The following HAS2 variants were observed in gnomAD, a reference collection of about 807,000 sequenced individuals.
HAS2 encodes the protein HA synthase 2.
In HAS2, 16 loss-of-function variants were observed where a neutral mutation model predicts 51.6. That is an observed-to-expected ratio of 0.31 (90% CI 0.21 to 0.47). The LOEUF (loss-of-function observed/expected upper bound fraction) is 0.47, where lower values mean the gene tolerates loss of function less well. HAS2 is among the 20% of genes least tolerant of loss of function. The pLI is 1.00. For synonymous variants in HAS2, 228 were observed against 235.5 expected (o/e 0.97, Z 0.29); for missense variants, 361 against 662.6 (o/e 0.54, Z 5.00).
intron 1 of HAS2, among the ~76,000 whole-genome samples, chr8:121,635,992 T>C (rs1813003115): frequency 6.6e-6 from 1 of 152,196 alleles, no homozygotes; most frequent in Non-Finnish European, 1.5e-5. Flanking sequence ...CTGAGTGGAT[T>C]AGGAAGGTAT....
At position 121,614,637 on chromosome 8, in the gene HAS2, G is replaced by A. The variant is rs569055058; in HGVS notation, c.1131C>T (p.Thr377=). The A allele has an allele frequency of 1.1e-5, 18 of 1,614,086 alleles. No homozygotes were observed. In the South Asian group the frequency reaches 2.0e-4, roughly 18 times the overall value. ...MWFHKHHLWM[T]YEAIITGFFP... ...AGAATCCAGTGATAATCGCTTCGTAGGTCATCCACAAGTGATGTTTGTGAA... is the reference window on the plus strand; with the variant it reads ...AGAATCCAGTGATAATCGCTTCGTAAGTCATCCACAAGTGATGTTTGTGAA... The change falls in exon 4 of 4, where the codon ACC becomes ACT. Residue 377 remains threonine (T), a synonymous_variant. Transcript: ENST00000303924. The surrounding 1 kb of genome is among the most constrained non-coding windows in gnomAD (Gnocchi z 7.2).
Position 121,615,039 on chromosome 8 carries a change from C to A in HAS2, c.730-1G>T. The A allele has an allele frequency of 6.3e-7, 1 of 1,589,742 alleles. No individual in the cohort carries two copies. ...TCCAGGAATCGTACTTGTTTAAAAT[C>A]TGCAAGAAGAAAAACATAAGTAATA... On this transcript the variant is annotated splice_acceptor_variant, in intron 3 of 3. Coordinates refer to ENST00000303924, the MANE Select transcript of HAS2 (RefSeq NM_005328.3). LOFTEE classifies it high-confidence loss of function.
intron 1 of HAS2, among the ~76,000 whole-genome samples, chr8:121,635,633 C>T (rs1393731943): frequency 6.6e-6 from 1 of 152,218 alleles, no homozygotes; most frequent in African/African-American, 2.4e-5. Flanking sequence ...TATCTTTGAA[C>T]TTAAGTTGTA....
intron 2 of HAS2, among the ~76,000 whole-genome samples, chr8:121,627,828 G>A (rs1009857875): frequency 2.0e-5 from 3 of 152,080 alleles, no homozygotes; most frequent in Non-Finnish European, 4.4e-5. Context: ...CTAGAGGAGA[G>A]GAAGAACATC....
At chr8:121,634,120 G>A (rs1812974253) in intron 1 of HAS2, among the ~76,000 whole-genome samples, 1 of 151,960 alleles carries the variant, frequency 6.6e-6, no homozygotes, top group Non-Finnish European at 1.5e-5. Context: ...ATGTTGGTCA[G>A]GCTGGTCTGG....
intron 1 of HAS2, among the ~76,000 whole-genome samples, chr8:121,634,139 A>T (rs186708584): frequency 1.3e-5 from 2 of 151,740 alleles, no homozygotes; most frequent in East Asian, 3.9e-4. Context: ...GGAACTCCTG[A>T]CCTCAGGTGA....
intron 2 of HAS2, among the ~76,000 whole-genome samples, chr8:121,621,152 G>A (rs1812768347): frequency 6.6e-6 from 1 of 152,104 alleles, no homozygotes; most frequent in East Asian, 1.9e-4. Flanking sequence ...CTGGTTACAC[G>A]GGGAAGGTTC....
chr8:121,629,329 C>T lies in HAS2; in HGVS notation c.12G>A (p.Glu4=). 6 of 1,608,110 alleles carry T rather than the reference C, an allele frequency of 3.7e-6. No homozygotes were observed. Among genetic ancestry groups the T allele is most frequent in the Non-Finnish European group, 5.1e-6 (6 of 1,176,204 alleles). The change falls in exon 2 of 4, where the codon GAG becomes GAA. Residue 4 remains glutamate, a synonymous_variant. Coordinates refer to ENST00000303924, the MANE Select transcript of HAS2 (RefSeq NM_005328.3). MHC[E]RFLCILRIIG... ...TTATTCTCAGGATACATAGAAACCTCTCACAATGCATCTGTAATATAATCA... is the reference window on the plus strand; with the variant it reads ...TTATTCTCAGGATACATAGAAACCTTTCACAATGCATCTGTAATATAATCA...
chr8:121,620,840 C>T (rs73708102), intron 2 of HAS2, among the ~76,000 whole-genome samples: 5,222 of 151,972 alleles, frequency 0.034, 332 homozygotes, highest in African/African-American at 0.12. Context: ...AATGGTTACA[C>T]ATTATTCAAT....
At chr8:121,630,900 G>A (rs760003997) in intron 1 of HAS2, among the ~76,000 whole-genome samples, 63 of 152,104 alleles carry the variant, frequency 4.1e-4, no homozygotes, top group Admixed American at 1.5e-3. Context: ...ACATTGAGAA[G>A]GTCCTAAGGG....
intron 1 of HAS2, among the ~76,000 whole-genome samples, chr8:121,635,148 C>T (rs1056530907): frequency 6.6e-6 from 1 of 152,128 alleles, no homozygotes; most frequent in Non-Finnish European, 1.5e-5. Flanking sequence ...CAAATCCCAG[C>T]TCTGCCATCT....
chr8:121,632,660 C>T (rs1812949218), intron 1 of HAS2, among the ~76,000 whole-genome samples: 1 of 151,938 alleles, frequency 6.6e-6, no homozygotes, highest in South Asian at 2.1e-4. Context: ...CTAACGTGTC[C>T]CAAGGACATA....
At chr8:121,638,629 C>T (rs542443156) in intron 1 of HAS2, among the ~76,000 whole-genome samples, 1 of 152,234 alleles carries the variant, frequency 6.6e-6, no homozygotes, top group African/African-American at 2.4e-5. Context: ...ACATACAAAA[C>T]ATAATATATA....
intron 2 of HAS2, among the ~76,000 whole-genome samples, chr8:121,619,149 G>T (rs1353975031): frequency 6.6e-6 from 1 of 151,554 alleles, no homozygotes; most frequent in Non-Finnish European, 1.5e-5. Flanking sequence ...GCTAAGGCGG[G>T]GGGATTGTTT....
In HAS2 at chr8:121,617,995, T is replaced by C. The variant is rs376078979; in HGVS notation, c.628-789A>G. Among the ~76,000 whole-genome samples the C allele has an allele frequency of 4.6e-4, 67 of 146,252 alleles. 1 individual carries two copies. In the South Asian group the frequency reaches 0.013, roughly 28 times the overall value. ...TTGTTGTTTTTAAACACAATCTTTC[T>C]ATGAGCCAAAAAAAAAAAAAGCAAG... is the stretch of plus-strand genomic sequence containing the variant. On this transcript the variant is annotated intron_variant, in intron 2 of 3. Transcript: ENST00000303924.
At chr8:121,625,675 ATTTTTTTTTTTT>A (rs934743239) in intron 2 of HAS2, among the ~76,000 whole-genome samples, 15 of 108,104 alleles carry the variant, frequency 1.4e-4, no homozygotes, top group Non-Finnish European at 2.7e-4. Flanking sequence ...AGTCCAGCTA[ATTTTTTTTTTTT>A]TTTTTTTTTT....
intron 1 of HAS2, among the ~76,000 whole-genome samples, chr8:121,632,057 A>G (rs1812937330): frequency 6.6e-6 from 1 of 152,228 alleles, no homozygotes; most frequent in Non-Finnish European, 1.5e-5. Context: ...TGGGAAAAGT[A>G]CTTTACTAGC....
chr8:121,617,080 A>G (rs1194212833), intron 3 of HAS2, 25 bp downstream of exon 3: 1 of 1,292,756 alleles, frequency 7.7e-7, no homozygotes, highest in Non-Finnish European at 1.1e-6. Context: ...TGCAAAACAA[A>G]CAAACAAAAA....
Position 121,615,038 on chromosome 8 carries a change from T to G in HAS2, c.730A>C (p.Ile244Leu), listed in dbSNP as rs76747197. ...ATCCAGGAATCGTACTTGTTTAAAA[T>G]CTGCAAGAAGAAAAACATAAGTAAT... ...MVGGVGGDVQ[I>L]LNKYDSWISF... Residue 244 changes from isoleucine to leucine, a missense_variant and splice_region_variant, in exon 4 of 4, where the codon ATT becomes CTT. Physicochemically the swap from Ile to Leu is conservative, Grantham distance 5. Coordinates refer to ENST00000303924, the MANE Select transcript of HAS2 (RefSeq NM_005328.3). 1 of 1,590,974 alleles carries G rather than the reference T, an allele frequency of 6.3e-7. No homozygotes were observed. Among genetic ancestry groups the G allele is most frequent in the Non-Finnish European group, 8.6e-7 (1 of 1,169,526 alleles).
Sources: allele counts gnomAD v4.1 joint callset (sites outside exome capture counted in the v4.1 genomes callset), GRCh38; gene constraint gnomAD v4.1.1; non-coding constraint Gnocchi (gnomAD v3.1); transcripts MANE v1.5; gene names NCBI Gene and HGNC (gene_info 2026-07-23, HGNC 2026-07-21).